The following SHC3 variants were observed in gnomAD, a reference collection of about 807,000 sequenced individuals.
The protein encoded by SHC3 is SHC-transforming protein 3.
Under a neutral mutation model 60.4 loss-of-function variants are expected in SHC3, and 15 were observed. The observed-to-expected ratio is 0.25, with a 90% CI of 0.17 to 0.38. The LOEUF (loss-of-function observed/expected upper bound fraction) is 0.38. Among genes scored for constraint, SHC3 ranks in the 10% least tolerant of loss-of-function variants. The pLI, the probability that SHC3 is intolerant of heterozygous loss-of-function variation, is 1.00. For missense variants in SHC3, 677 were observed against 786.1 expected (o/e 0.86, Z 1.66); for synonymous variants, 294 against 325.9 (o/e 0.90, Z 1.05).
intron 1 of SHC3, among the ~76,000 whole-genome samples, chr9:89,164,385 GAGA>G (rs1826754753): frequency 6.6e-6 from 1 of 152,120 alleles, no homozygotes; most frequent in South Asian, 2.1e-4. Flanking sequence ...AGGCCAAGAT[GAGA>G]AGGAGAGAAG....
intron 1 of SHC3, among the ~76,000 whole-genome samples, chr9:89,155,914 A>G (rs1431413036): frequency 6.6e-6 from 1 of 152,126 alleles, no homozygotes; most frequent in African/African-American, 2.4e-5. Flanking sequence ...TTTATCATCA[A>G]TGGGACTGAT....
chr9:89,161,241 C>A (rs2118241523), intron 1 of SHC3, among the ~76,000 whole-genome samples: 1 of 152,290 alleles, frequency 6.6e-6, no homozygotes, highest in South Asian at 2.1e-4. Context: ...CTTCATGCAT[C>A]CCCACTGTGC....
At chr9:89,129,520 A>AC (rs1826212579) in intron 1 of SHC3, among the ~76,000 whole-genome samples, 1 of 152,198 alleles carries the variant, frequency 6.6e-6, no homozygotes, top group Non-Finnish European at 1.5e-5. Context: ...AGGTCGGGTT[A>AC]CCCACAAAGG....
chr9:89,045,567 G>A lies in SHC3; in HGVS notation c.1201+179C>T, dbSNP rs4877043. On this transcript the variant is annotated intron_variant, in intron 9 of 11. Transcript: ENST00000375835. ...TGGGATTACAGGCGTGTGCCACCGC[G>A]CCTGACCACACCGTTGCTTCTATTT... 0.082 allele frequency among the ~76,000 whole-genome samples: 12,469 copies of A among 152,182 alleles called. 690 individuals are homozygous for A. The highest frequency in any genetic ancestry group is 0.12 in the Admixed American group (1,786 of 15,284).
chr9:89,110,229 T>C (rs1825925941), intron 2 of SHC3: 1 of 985,292 alleles, frequency 1.0e-6, no homozygotes, highest in African/African-American at 1.7e-5. Flanking sequence ...CAAAGTGAAA[T>C]GCTGGGAGTG....
At chr9:89,123,294 G>C (rs1484435187) in intron 1 of SHC3, among the ~76,000 whole-genome samples, 4 of 152,172 alleles carry the variant, frequency 2.6e-5, no homozygotes, top group Non-Finnish European at 4.4e-5. Flanking sequence ...CACCAAAAAA[G>C]ACCATGCTTA....
chr9:89,058,373 T>C (rs1008866876), intron 6 of SHC3, among the ~76,000 whole-genome samples: 4 of 139,538 alleles, frequency 2.9e-5, no homozygotes, highest in African/African-American at 1.1e-4. Context: ...TGGTGGAGGA[T>C]GGTGGCATAG....
intron 6 of SHC3, among the ~76,000 whole-genome samples, chr9:89,056,387 C>T (rs995766613): frequency 2.0e-5 from 3 of 152,136 alleles, no homozygotes; most frequent in Non-Finnish European, 4.4e-5. Flanking sequence ...GGTGGGATTA[C>T]GGGCACCCAC....
At chr9:89,074,447 C>T (rs12347626) in intron 4 of SHC3, among the ~76,000 whole-genome samples, 31 of 152,072 alleles carry the variant, frequency 2.0e-4, no homozygotes, top group African/African-American at 6.5e-4. Context: ...AAAATAGCTA[C>T]TCAAACACCT....
At position 89,013,551 on chromosome 9, in the gene SHC3, C is replaced by T. The variant is rs1267550547; in HGVS notation, c.1681G>A (p.Asp561Asn). The change falls in exon 12 of 12, where the codon GAC (aspartate) becomes AAC (asparagine). Residue 561 changes from aspartate to asparagine, a missense_variant. Transcript: ENST00000375835. ...TGGTTGATGAGGTGGCTGATACTGT[C>T]AAAGACTCTGTCCTTTGTCCGGATC... ...GTIRTKDRVF[D>N]SISHLINHHL... The T allele has an allele frequency of 6.2e-7, 1 of 1,613,806 alleles. No homozygotes were observed. Among genetic ancestry groups the T allele is most frequent in the Non-Finnish European group, 8.5e-7 (1 of 1,179,928 alleles).
At chr9:89,129,896 C>T (rs1826219210) in intron 1 of SHC3, among the ~76,000 whole-genome samples, 1 of 152,142 alleles carries the variant, frequency 6.6e-6, no homozygotes, top group South Asian at 2.1e-4. Context: ...GGATCAAATT[C>T]ACACATAACA....
chr9:89,028,605 A>G (rs1018682177), intron 11 of SHC3, among the ~76,000 whole-genome samples: 1 of 138,268 alleles, frequency 7.2e-6, no homozygotes, highest in Admixed American at 7.0e-5. Context: ...ATGTGTATAT[A>G]TATGCTATAG....
chr9:89,090,620 A>G (rs1456808388), intron 2 of SHC3, among the ~76,000 whole-genome samples: 1 of 152,156 alleles, frequency 6.6e-6, no homozygotes, highest in Non-Finnish European at 1.5e-5. Flanking sequence ...GTGTGAGCTG[A>G]GCACACAGAA....
intron 1 of SHC3, among the ~76,000 whole-genome samples, chr9:89,116,686 T>C (rs975334898): frequency 1.3e-5 from 2 of 152,220 alleles, no homozygotes; most frequent in Admixed American, 6.5e-5. Flanking sequence ...GTGAACAGTA[T>C]CACTGAGTTA....
chr9:89,106,555 C>T (rs901137481), intron 2 of SHC3, among the ~76,000 whole-genome samples: 1 of 152,142 alleles, frequency 6.6e-6, no homozygotes, highest in Non-Finnish European at 1.5e-5. Flanking sequence ...GGGAGGCAGT[C>T]GGTGAGCAGA....
intron 11 of SHC3, among the ~76,000 whole-genome samples, chr9:89,028,708 A>T (rs1383381808): frequency 2.8e-5 from 4 of 144,788 alleles, no homozygotes. Context: ...TATATTCTAT[A>T]TATATCTATA....
chr9:89,156,450 T>A (rs889056845), intron 1 of SHC3, among the ~76,000 whole-genome samples: 15 of 152,144 alleles, frequency 9.9e-5, no homozygotes, highest in African/African-American at 3.6e-4. Context: ...CAGGAACCCC[T>A]CTTAGGAGCC....
At chr9:89,077,758 T>C in intron 3 of SHC3, 82 bp downstream of exon 3, 1 of 1,515,512 alleles carries the variant, frequency 6.6e-7, no homozygotes, top group Non-Finnish European at 9.2e-7. Flanking sequence ...CAATGAATAA[T>C]TCTGTGTGAC....
At chr9:89,037,847 T>C in intron 11 of SHC3, 146 bp downstream of exon 11, 1 of 1,041,766 alleles carries the variant, frequency 9.6e-7, no homozygotes, top group Non-Finnish European at 1.4e-6. Flanking sequence ...ATGACAGGAG[T>C]TGTCTGTCCC....
Sources: allele counts gnomAD v4.1 joint callset (sites outside exome capture counted in the v4.1 genomes callset), GRCh38; gene constraint gnomAD v4.1.1; transcripts MANE v1.5; gene names NCBI Gene and HGNC (gene_info 2026-07-23, HGNC 2026-07-21).